Variants in TLE4 observed in about 807,000 individuals in gnomAD.
The protein encoded by TLE4 is transducin-like enhancer protein 4.
A neutral mutation model predicts 92.8 loss-of-function variants in TLE4; 8 were observed. That is an observed-to-expected ratio of 0.09 (90% CI 0.05 to 0.16). The LOEUF (loss-of-function observed/expected upper bound fraction) is 0.16. TLE4 is among the 10% of genes least tolerant of loss of function. The probability of loss-of-function intolerance (pLI) is 1.00; values close to 1 mark genes in which losing one functional copy is unlikely to be tolerated. For synonymous variants in TLE4, 371 were observed against 374.1 expected (o/e 0.99, Z 0.10); for missense variants, 675 against 997.6 (o/e 0.68, Z 4.36).
intron 8 of TLE4, among the ~76,000 whole-genome samples, chr9:79,678,191 C>T (rs1042172017): frequency 2.0e-5 from 3 of 152,084 alleles, no homozygotes; most frequent in East Asian, 3.9e-4. Context: ...AGATAATGAT[C>T]TTCATCAAGT....
intron 6 of TLE4, among the ~76,000 whole-genome samples, chr9:79,651,780 G>A (rs191197035): frequency 2.0e-5 from 3 of 152,242 alleles, no homozygotes; most frequent in Admixed American, 6.5e-5. Flanking sequence ...TGTTAATTCA[G>A]GTTTTCTCTT....
chr9:79,608,179 A>G (rs1186554544), intron 4 of TLE4, among the ~76,000 whole-genome samples: 2 of 152,060 alleles, frequency 1.3e-5, no homozygotes, highest in Non-Finnish European at 2.9e-5. Flanking sequence ...TTGATTTTTG[A>G]TAAGGTAAAA....
chr9:79,657,415 A>C (rs1349240795), intron 8 of TLE4, among the ~76,000 whole-genome samples: 1 of 152,156 alleles, frequency 6.6e-6, no homozygotes, highest in Non-Finnish European at 1.5e-5. Flanking sequence ...GACACCAAGG[A>C]AATGTTTTCT....
At chr9:79,616,743 T>A (rs1223314917) in intron 5 of TLE4, among the ~76,000 whole-genome samples, 2 of 152,018 alleles carry the variant, frequency 1.3e-5, no homozygotes, top group Admixed American at 6.6e-5. Flanking sequence ...CAGTAACAAC[T>A]CCTCCTCCAT....
At chr9:79,598,075 GA>G (rs748860967) in intron 4 of TLE4, among the ~76,000 whole-genome samples, 13,705 of 65,976 alleles carry the variant, frequency 0.21, 672 homozygotes, top group Non-Finnish European at 0.22. Flanking sequence ...TACTGAAAAA[GA>G]AAAAAAAAAA....
chr9:79,650,091 T>C (rs1464158357), intron 6 of TLE4, among the ~76,000 whole-genome samples: 1 of 151,930 alleles, frequency 6.6e-6, no homozygotes, highest in African/African-American at 2.4e-5. Context: ...AATTTTTGTG[T>C]TTTTAGTAGA....
intron 8 of TLE4, among the ~76,000 whole-genome samples, chr9:79,655,739 A>G (rs529887261): frequency 6.6e-6 from 1 of 152,366 alleles, no homozygotes; most frequent in Non-Finnish European, 1.5e-5. Context: ...GGATTAACTG[A>G]TACCAGCCTT....
intron 4 of TLE4, chr9:79,601,378 C>G (rs1467513347): frequency 2.2e-6 from 1 of 456,462 alleles, no homozygotes; most frequent in African/African-American, 2.0e-5. Flanking sequence ...ACAGGCATAC[C>G]TTGTTTTACT....
intron 3 of TLE4, 193 bp downstream of exon 3, chr9:79,575,129 T>C (rs1347391503): frequency 1.6e-5 from 6 of 368,876 alleles, no homozygotes; most frequent in Non-Finnish European, 3.1e-5. Flanking sequence ...CTGGCTTTGA[T>C]TGGAATTTTC....
chr9:79,579,185 G>A (rs2038907944), intron 4 of TLE4, among the ~76,000 whole-genome samples: 1 of 152,114 alleles, frequency 6.6e-6, no homozygotes. Flanking sequence ...GCTGACCCAG[G>A]GTTTAGTTGT....
intron 16 of TLE4, 30 bp from the exon 17 acceptor site, chr9:79,721,711 A>T: frequency 6.2e-7 from 1 of 1,613,686 alleles, no homozygotes; most frequent in Non-Finnish European, 8.5e-7. Context: ...TAACTTTTCA[A>T]GGGCTTTCCC....
chr9:79,646,795 T>C (rs369686607), intron 6 of TLE4, among the ~76,000 whole-genome samples: 1 of 152,190 alleles, frequency 6.6e-6, no homozygotes, highest in Non-Finnish European at 1.5e-5. Context: ...TCATTTTATC[T>C]TATAGTTTAA....
At chr9:79,665,825 G>C (rs1037075481) in intron 8 of TLE4, among the ~76,000 whole-genome samples, 3 of 152,028 alleles carry the variant, frequency 2.0e-5, no homozygotes, top group Non-Finnish European at 4.4e-5. Flanking sequence ...TTTTTTTGCT[G>C]CTCCCATTTA....
At chr9:79,627,263 C>T in intron 5 of TLE4, 111 bp from the exon 6 acceptor site, 1 of 1,061,484 alleles carries the variant, frequency 9.4e-7, no homozygotes, top group South Asian at 1.3e-5. Flanking sequence ...CCTGGAGATC[C>T]CCCAAATGCT....
At chr9:79,573,875 T>C in intron 2 of TLE4, 89 bp downstream of exon 2, 2 of 920,984 alleles carry the variant, frequency 2.2e-6, no homozygotes, top group Admixed American at 3.3e-5. Context: ...TCCTCCTTTT[T>C]TGTGGGGGCG....
chr9:79,721,898 G>A lies in TLE4; in HGVS notation c.1986+10G>A, dbSNP rs369263118. On this transcript the variant is annotated intron_variant, in intron 17 of 19. Transcript: ENST00000376552. ...CGACTTCACCTCCCAGGTATGATCCGTGGCTGAGGCATTTTAAAGATACGG... is the reference window on the plus strand; with the variant it reads ...CGACTTCACCTCCCAGGTATGATCCATGGCTGAGGCATTTTAAAGATACGG... The A allele has an allele frequency of 7.2e-5, 115 of 1,605,114 alleles. 3 individuals carry two copies. The South Asian group carries it at 9.4e-4, about 13-fold the overall frequency.
chr9:79,718,698 C>A (rs1309966392), intron 14 of TLE4, 24 bp from the exon 15 acceptor site: 1 of 1,593,030 alleles, frequency 6.3e-7, no homozygotes, highest in Admixed American at 1.7e-5. Flanking sequence ...TCCCCTCTTT[C>A]TTTTTTCCTC....
At chr9:79,606,195 T>TG in intron 4 of TLE4, among the ~76,000 whole-genome samples, 1 of 72,604 alleles carries the variant, frequency 1.4e-5, no homozygotes, top group Admixed American at 1.7e-4. Context: ...TTGTTTTTTT[T>TG]TTTTTTTTTT....
intron 2 of TLE4, among the ~76,000 whole-genome samples, chr9:79,574,442 G>A (rs2037050814): frequency 6.6e-6 from 1 of 152,140 alleles, no homozygotes; most frequent in African/African-American, 2.4e-5. Flanking sequence ...TCATTCATAA[G>A]ACATGCTTGA....
Sources: allele counts gnomAD v4.1 joint callset (sites outside exome capture counted in the v4.1 genomes callset), GRCh38; gene constraint gnomAD v4.1.1; transcripts MANE v1.5; gene names NCBI Gene and HGNC (gene_info 2026-07-23, HGNC 2026-07-21).